The following CRTC3 variants were observed in gnomAD, a reference collection of about 807,000 sequenced individuals.
CRTC3 encodes CREB-regulated transcription coactivator 3.
CRTC3 carries 26 observed loss-of-function variants against 74.5 expected under a neutral mutation model. The observed-to-expected ratio is 0.35, with a 90% CI of 0.26 to 0.48. The LOEUF is 0.48. CRTC3 is among the 20% of genes least tolerant of loss of function. The pLI is 0.99. For synonymous variants in CRTC3, 377 were observed against 325.8 expected (o/e 1.16, Z -1.69); for missense variants, 760 against 787.3 (o/e 0.97, Z 0.41).
intron 2 of CRTC3, among the ~76,000 whole-genome samples, chr15:90,550,698 TTTG>T (rs773230919): frequency 1.3e-5 from 2 of 152,090 alleles, no homozygotes; most frequent in African/African-American, 4.8e-5. Flanking sequence ...TGCTTTTTTT[TTTG>T]TTATTTCAAG....
At chr15:90,556,333 A>T (rs183332728) in intron 2 of CRTC3, among the ~76,000 whole-genome samples, 1 of 152,302 alleles carries the variant, frequency 6.6e-6, no homozygotes, top group East Asian at 1.9e-4. Flanking sequence ...AAGGGTAGAA[A>T]TATCGCCACC....
rs1968813956 is a variant in CRTC3 at position 90,625,820 on chromosome 15, T to G, written c.794T>G (p.Leu265Trp). Residue 265 changes from leucine to tryptophan, a missense_variant, in exon 10 of 15, where the codon TTG becomes TGG. Physicochemically the swap from Leu to Trp is moderately conservative, Grantham distance 61. Around this residue, in one of 2 missense-constraint regions of CRTC3, gnomAD observed 652 missense variants for 635.2 expected, o/e 1.03. Coordinates refer to ENST00000268184, the MANE Select transcript of CRTC3 (RefSeq NM_022769.5). ...CAAAACCTAGGCCTCTCACCCTTCT[T>G]GGGGACCTTGAACACTGGAGGGTCA... ...NGQNLGLSPF[L>W]GTLNTGGSLP... 1 of 1,614,258 alleles carries G rather than the reference T, an allele frequency of 6.2e-7. No individual in the cohort carries two copies.
intron 2 of CRTC3, among the ~76,000 whole-genome samples, chr15:90,570,866 G>A (rs920994707): frequency 8.6e-5 from 13 of 152,042 alleles, no homozygotes; most frequent in African/African-American, 1.2e-4. Context: ...CAAAAGGCTC[G>A]TGCTTCAGCA....
chr15:90,629,542 C>G lies in CRTC3; in HGVS notation c.1266+10C>G, dbSNP rs1437293755. The stretch of plus-strand genomic sequence containing the variant: ...ATATCCTACCTCCCAGGTAAACACA[C>G]ACAGACAGACCAACCACTACAGTGA... On this transcript the variant is annotated intron_variant, in intron 11 of 14. Coordinates refer to ENST00000268184, the MANE Select transcript of CRTC3 (RefSeq NM_022769.5). 4 of 1,612,752 alleles carry G rather than the reference C, an allele frequency of 2.5e-6. No individual in the cohort carries two copies. The highest frequency in any genetic ancestry group is 3.4e-6 in the Non-Finnish European group (4 of 1,178,924).
rs1221379059 is a variant in CRTC3, at chr15:90,601,458, T to G, written c.352-866T>G. On this transcript the variant is annotated intron_variant, in intron 3 of 14. Coordinates refer to ENST00000268184, the MANE Select transcript of CRTC3 (RefSeq NM_022769.5). The stretch of plus-strand genomic sequence containing the variant: ...TGAGGTCAGGAGTTCAAGACCAGCC[T>G]GGCCAACGTGGAGAAACCCTGTCTC... Among the ~76,000 whole-genome samples the G allele has an allele frequency of 2.0e-5, 3 of 151,978 alleles. No individual in the cohort carries two copies. The East Asian group carries it at 5.8e-4, about 29-fold the overall frequency.
intron 2 of CRTC3, among the ~76,000 whole-genome samples, chr15:90,565,160 C>T (rs2045028328): frequency 6.6e-6 from 1 of 152,130 alleles, no homozygotes; most frequent in South Asian, 2.1e-4. Context: ...GTTGGTCAGG[C>T]TGGTCTTGAA....
chr15:90,539,385 A>G (rs887465997), intron 1 of CRTC3, among the ~76,000 whole-genome samples: 1 of 150,558 alleles, frequency 6.6e-6, no homozygotes, highest in African/African-American at 2.5e-5. Context: ...TCCAATATCA[A>G]TGAGTTTTTT....
At position 90,534,429 on chromosome 15, in the gene CRTC3, T is replaced by A. The variant is rs111670753; in HGVS notation, c.132+4226T>A. On this transcript the variant is annotated intron_variant, in intron 1 of 14. Coordinates refer to ENST00000268184, the MANE Select transcript of CRTC3 (RefSeq NM_022769.5). ...TGAGCTACTGAGAAAAATGGGGGAA[T>A]TTTTGTTATGTAGCCACAGAAGTAG... is the stretch of plus-strand genomic sequence containing the variant. Among the ~76,000 whole-genome samples, 3 of 152,206 alleles carry A rather than the reference T, an allele frequency of 2.0e-5. 1 individual carries two copies. Among genetic ancestry groups the A allele is most frequent in the African/African-American group, 7.2e-5 (3 of 41,524 alleles).
chr15:90,603,316 G>T (rs538660167), intron 4 of CRTC3, among the ~76,000 whole-genome samples: 2 of 149,916 alleles, frequency 1.3e-5, no homozygotes, highest in Non-Finnish European at 3.0e-5. Flanking sequence ...GGTGGCAGGC[G>T]CCTGTAGTCC....
chr15:90,574,292 C>T (rs1343733840), intron 2 of CRTC3, among the ~76,000 whole-genome samples: 1 of 152,120 alleles, frequency 6.6e-6, no homozygotes, highest in Non-Finnish European at 1.5e-5. Flanking sequence ...TCCTGGTCAA[C>T]ATGGTGAAAC....
chr15:90,635,124 C>CTCTT (rs57917127), intron 11 of CRTC3: 127,740 of 633,278 alleles, frequency 0.2, 16,140 homozygotes, highest in African/African-American at 0.49. Context: ...TTCCATATTT[C>CTCTT]TTATAATAAA....
At chr15:90,551,511 T>C (rs1198152490) in intron 2 of CRTC3, among the ~76,000 whole-genome samples, 7 of 152,148 alleles carry the variant, frequency 4.6e-5, no homozygotes, top group African/African-American at 1.2e-4. Flanking sequence ...ATGTGGCTGG[T>C]GGCCACCGAA....
At chr15:90,636,185 C>T (rs895865824) in intron 11 of CRTC3, among the ~76,000 whole-genome samples, 2 of 151,260 alleles carry the variant, frequency 1.3e-5, no homozygotes, top group African/African-American at 4.8e-5. Flanking sequence ...ACCAAAACAG[C>T]ATGGTACTGG....
At chr15:90,558,037 C>T (rs945373297) in intron 2 of CRTC3, among the ~76,000 whole-genome samples, 4 of 152,058 alleles carry the variant, frequency 2.6e-5, no homozygotes, top group Non-Finnish European at 5.9e-5. Context: ...TTCTGCAGTG[C>T]CTGTAGTCAG....
chr15:90,642,391 A>G lies in CRTC3; in HGVS notation c.*251A>G. 6 of 536,876 alleles carry G rather than the reference A, an allele frequency of 1.1e-5. No homozygotes were observed. Among genetic ancestry groups the G allele is most frequent in the Non-Finnish European group, 2.0e-5 (6 of 297,254 alleles). 33.3% of individuals were successfully genotyped at this position (536,876 alleles called of 1,614,324 possible). On this transcript the variant is annotated 3_prime_UTR_variant, in exon 15 of 15. Transcript: ENST00000268184. ...GGCAGGCTGCTTGGAGCTTCCCATG[A>G]ACTGGAAAGCTCACCTCCACTGCAT... is the stretch of plus-strand genomic sequence containing the variant.
chr15:90,617,250 G>A (rs1314767465), intron 7 of CRTC3, among the ~76,000 whole-genome samples: 3 of 151,938 alleles, frequency 2.0e-5, no homozygotes, highest in Non-Finnish European at 4.4e-5. Flanking sequence ...TCATACCCTC[G>A]GCTCTCTCGG....
In CRTC3 at chr15:90,546,273, G is replaced by A. The variant is rs1966844178; in HGVS notation, c.231+6136G>A. Among the ~76,000 whole-genome samples the A allele has an allele frequency of 1.3e-5, 2 of 152,148 alleles. 1 individual carries two copies. The highest frequency in any genetic ancestry group is 4.1e-4 in the South Asian group (2 of 4,828). On this transcript the variant is annotated intron_variant, in intron 2 of 14. Coordinates refer to ENST00000268184, the MANE Select transcript of CRTC3 (RefSeq NM_022769.5). Reference sequence around the variant, plus strand: ...TCATTTTGCATAGGGATGTTAAATTGTTCTAGAACCATTTGATGAAGACTT... The same window carrying A: ...TCATTTTGCATAGGGATGTTAAATTATTCTAGAACCATTTGATGAAGACTT...
chr15:90,571,103 G>C (rs1967253069), intron 2 of CRTC3, among the ~76,000 whole-genome samples: 3 of 152,144 alleles, frequency 2.0e-5, no homozygotes, highest in Non-Finnish European at 4.4e-5. Context: ...ATATTTATTG[G>C]ACACTGCGTG....
chr15:90,542,614 T>C (rs185323008), intron 2 of CRTC3, among the ~76,000 whole-genome samples: 4 of 152,296 alleles, frequency 2.6e-5, no homozygotes, highest in East Asian at 1.9e-4. Flanking sequence ...ATAAGAAAAT[T>C]AACAGTGATC....
Sources: gnomAD v4.1 joint callset for allele counts (sites outside exome capture counted in the v4.1 genomes callset) on GRCh38, gnomAD v4.1.1 for gene constraint, gnomAD v4.1.1 regional missense constraint, MANE v1.5 for transcripts, NCBI Gene and HGNC (gene_info 2026-07-23, HGNC 2026-07-21) for gene names.